Variants in ARID4A observed in about 807,000 individuals in gnomAD.
ARID4A encodes the protein AT-rich interaction domain 4A, also known as AT-rich interactive domain-containing protein 4A.
In ARID4A, 39 loss-of-function variants were observed where a neutral mutation model predicts 148.6. The observed-to-expected ratio is 0.26, with a 90% CI of 0.20 to 0.34. ARID4A has a LOEUF of 0.34. ARID4A is among the 10% of genes least tolerant of loss of function. The pLI, the probability that ARID4A is intolerant of heterozygous loss-of-function variation, is 1.00. For synonymous variants in ARID4A, 475 were observed against 481.2 expected (o/e 0.99, Z 0.17); for missense variants, 1,265 against 1,449.1 (o/e 0.87, Z 2.06).
At chr14:58,306,917 TA>T (rs2031649689) in intron 5 of ARID4A, among the ~76,000 whole-genome samples, 3 of 152,214 alleles carry the variant, frequency 2.0e-5, no homozygotes, top group Admixed American at 2.0e-4. Context: ...TAGATGCTCC[TA>T]ATATGAATGC....
At chr14:58,332,860 C>T (rs960525208) in intron 11 of ARID4A, among the ~76,000 whole-genome samples, 1 of 152,090 alleles carries the variant, frequency 6.6e-6, no homozygotes, top group Non-Finnish European at 1.5e-5. Context: ...TAACAATACT[C>T]TAGTCTGTTA....
chr14:58,357,766 G>T (rs1404757909), intron 17 of ARID4A, among the ~76,000 whole-genome samples: 1 of 151,970 alleles, frequency 6.6e-6, no homozygotes, highest in East Asian at 1.9e-4. Flanking sequence ...TTACTTAACT[G>T]TACATTTTTT....
rs1271190197 is a variant in ARID4A, at chr14:58,315,151, TTTG to T, written c.275-3388_275-3386del. On this transcript the variant is annotated intron_variant, in intron 5 of 23. Coordinates refer to ENST00000355431, the MANE Select transcript of ARID4A (RefSeq NM_002892.4). ...ATAAATAAATCTTAAATTATTTCTTTTTGTTCACTTAAGGTTGGGAGGGTTCCT... is the reference window on the plus strand; with the variant it reads ...ATAAATAAATCTTAAATTATTTCTTTTTCACTTAAGGTTGGGAGGGTTCCT... Among the ~76,000 whole-genome samples the T allele has an allele frequency of 3.9e-5, 6 of 152,230 alleles. No individual in the cohort carries two copies. The East Asian group carries it at 1.2e-3, about 29-fold the overall frequency.
Position 58,339,214 on chromosome 14 carries a change from T to C in ARID4A, c.907-5481T>C, listed in dbSNP as rs553471196. 3.3e-3 allele frequency among the ~76,000 whole-genome samples: 500 copies of C among 152,072 alleles called. 5 individuals are homozygous for C. Among genetic ancestry groups the C allele is most frequent in the African/African-American group, 0.011 (469 of 41,480 alleles). On this transcript the variant is annotated intron_variant, in intron 11 of 23. Coordinates refer to ENST00000355431, the MANE Select transcript of ARID4A (RefSeq NM_002892.4). ...CTGGTCTAAAACCCCTGGGCTCAAG[T>C]GATCCTCCTGCCTGGCCCTCCCAAA...
chr14:58,317,214 A>T lies in ARID4A; in HGVS notation c.275-1328A>T, dbSNP rs955017293. Reference sequence around the variant, plus strand: ...TCTCAAAAAAAAAAAAAAAAGTAGTAAAAGCAAAAAATTTGAGAAAGCATC... The same window carrying T: ...TCTCAAAAAAAAAAAAAAAAGTAGTTAAAGCAAAAAATTTGAGAAAGCATC... On this transcript the variant is annotated intron_variant, in intron 5 of 23. Transcript: ENST00000355431. 2.7e-5 allele frequency among the ~76,000 whole-genome samples: 4 copies of T among 150,414 alleles called. No homozygotes were observed. The South Asian group carries it at 6.3e-4, about 24-fold the overall frequency.
In ARID4A at chr14:58,365,081, G is replaced by A. The variant is rs758302598; in HGVS notation, c.2992G>A (p.Val998Ile). Reference protein sequence around the residue: ...LVSIPPALPPVVQHNFSVASP... With the variant: ...LVSIPPALPPIVQHNFSVASP... ...TTCTATTCCACCTGCCCTACCTCCT[G>A]TAGTCCAACATAACTTTTCAGTAGC... The change falls in exon 20 of 24, where the codon GTA becomes ATA. Residue 998 changes from valine to isoleucine, a missense_variant. Coordinates refer to ENST00000355431, the MANE Select transcript of ARID4A (RefSeq NM_002892.4). 3.7e-6 allele frequency: 6 copies of A among 1,613,978 alleles called. No individual in the cohort carries two copies. In the Admixed American group the frequency reaches 8.3e-5, roughly 22 times the overall value.
At chr14:58,309,625 T>G (rs2031868634) in intron 5 of ARID4A, among the ~76,000 whole-genome samples, 1 of 152,230 alleles carries the variant, frequency 6.6e-6, no homozygotes, top group African/African-American at 2.4e-5. Flanking sequence ...TACTCTCTGT[T>G]TTGCCTTTTT....
chr14:58,331,920 A>G (rs1167930324), intron 11 of ARID4A, among the ~76,000 whole-genome samples: 1 of 151,184 alleles, frequency 6.6e-6, no homozygotes, highest in Non-Finnish European at 1.5e-5. Context: ...ATATTGTCCA[A>G]TATTGAAGAA....
At chr14:58,310,606 T>C (rs1016730167) in intron 5 of ARID4A, among the ~76,000 whole-genome samples, 4 of 151,992 alleles carry the variant, frequency 2.6e-5, no homozygotes, top group Non-Finnish European at 5.9e-5. Context: ...TCACTCGATA[T>C]ACAAAAACTA....
At chr14:58,339,575 A>G (rs916443282) in intron 11 of ARID4A, among the ~76,000 whole-genome samples, 3 of 152,030 alleles carry the variant, frequency 2.0e-5, no homozygotes, top group African/African-American at 7.2e-5. Flanking sequence ...CACCTTCCTA[A>G]TGTGTATTGG....
At chr14:58,305,829 T>G (rs2031557210) in intron 4 of ARID4A, among the ~76,000 whole-genome samples, 193 bp from the exon 5 acceptor site, 1 of 152,182 alleles carries the variant, frequency 6.6e-6, no homozygotes, top group Admixed American at 6.5e-5. Context: ...TACCTAACTT[T>G]TGTCAAAGTG....
At chr14:58,322,975 AAAAAAAT>A (rs930228902) in intron 7 of ARID4A, among the ~76,000 whole-genome samples, 12 of 143,504 alleles carry the variant, frequency 8.4e-5, no homozygotes, top group East Asian at 4.0e-4. Context: ...AAAAAAAAAA[AAAAAAAT>A]ATATATATAT....
chr14:58,322,984 T>A (rs372641211), intron 7 of ARID4A, among the ~76,000 whole-genome samples: 1,063 of 60,874 alleles, frequency 0.017, 6 homozygotes, highest in African/African-American at 0.03. Flanking sequence ...AAAAAAAATA[T>A]ATATATATAT....
At chr14:58,353,896 A>G in intron 17 of ARID4A, 41 bp downstream of exon 17, 1 of 1,526,244 alleles carries the variant, frequency 6.6e-7, no homozygotes. Flanking sequence ...AATTTTTTCG[A>G]TGATTAAATA....
chr14:58,359,151 G>C lies in ARID4A; in HGVS notation c.1873G>C (p.Ala625Pro), dbSNP rs779240812. The change falls in exon 18 of 24, where the codon GCT (alanine) becomes CCT (proline). Residue 625 changes from alanine (A) to proline (P), a missense_variant. By Grantham distance (27) the Ala-to-Pro change is conservative. Coordinates refer to ENST00000355431, the MANE Select transcript of ARID4A (RefSeq NM_002892.4). ...WNVRYDEWVK[A>P]DRIIWPLDKG... ...TTTAAGGTATGATGAGTGGGTGAAGGCTGACAGGATAATCTGGCCTTTGGA... is the reference window on the plus strand; with the variant it reads ...TTTAAGGTATGATGAGTGGGTGAAGCCTGACAGGATAATCTGGCCTTTGGA... The C allele has an allele frequency of 6.3e-7, 1 of 1,586,904 alleles. No individual in the cohort carries two copies. The highest frequency in any genetic ancestry group is 8.5e-7 in the Non-Finnish European group (1 of 1,173,388).
chr14:58,315,506 C>G (rs929003898), intron 5 of ARID4A, among the ~76,000 whole-genome samples: 2 of 152,054 alleles, frequency 1.3e-5, no homozygotes. Context: ...TTCACATTTT[C>G]CTTTTTCATA....
At chr14:58,370,756 C>T (rs954562682) in intron 23 of ARID4A, among the ~76,000 whole-genome samples, 2 of 147,312 alleles carry the variant, frequency 1.4e-5, no homozygotes, top group Non-Finnish European at 3.0e-5. Flanking sequence ...ACCACAGTGC[C>T]TGCCACCACA....
At chr14:58,365,466 T>C (rs1439210665) in intron 20 of ARID4A, 52 bp from the exon 21 acceptor site, 7 of 981,844 alleles carry the variant, frequency 7.1e-6, no homozygotes, top group Non-Finnish European at 8.7e-6. Flanking sequence ...ATATACTTGC[T>C]CTTTTTTTTT....
chr14:58,306,163 C>T (rs2140137467), intron 5 of ARID4A, 51 bp downstream of exon 5: 1 of 1,335,668 alleles, frequency 7.5e-7, no homozygotes, highest in Non-Finnish European at 1.1e-6. Context: ...TTGCATGTAT[C>T]TGTGTTTTGT....
Sources: allele counts gnomAD v4.1 joint callset (sites outside exome capture counted in the v4.1 genomes callset), GRCh38; gene constraint gnomAD v4.1.1; transcripts MANE v1.5; gene names NCBI Gene and HGNC (gene_info 2026-07-23, HGNC 2026-07-21).